LGI1: variants seen among roughly 807,000 people sequenced by gnomAD.
LGI1 encodes the protein leucine-rich glioma-inactivated protein 1.
A neutral mutation model predicts 57.7 loss-of-function variants in LGI1; 11 were observed. That is an observed-to-expected ratio of 0.19 (90% CI 0.12 to 0.32). The LOEUF (loss-of-function observed/expected upper bound fraction) is 0.32, where lower values mean the gene tolerates loss of function less well. Among genes scored for constraint, LGI1 ranks in the 10% least tolerant of loss-of-function variants. The pLI, the probability that LGI1 is intolerant of heterozygous loss-of-function variation, is 1.00. For missense variants in LGI1, 422 were observed against 661.9 expected (o/e 0.64, Z 3.98); for synonymous variants, 222 against 241.9 (o/e 0.92, Z 0.76).
At chr10:93,759,513 C>T (rs1243796085) in intron 2 of LGI1, among the ~76,000 whole-genome samples, 2 of 152,206 alleles carry the variant, frequency 1.3e-5, no homozygotes, top group African/African-American at 2.4e-5. Context: ...GATCTGTTCA[C>T]AGGCATAATG....
Position 93,792,876 on chromosome 10 carries a change from A to G in LGI1, c.637A>G (p.Ser213Gly). 1 of 1,614,140 alleles carries G rather than the reference A, an allele frequency of 6.2e-7. No homozygotes were observed. Among genetic ancestry groups the G allele is most frequent in the Non-Finnish European group, 8.5e-7 (1 of 1,180,014 alleles). The stretch of plus-strand genomic sequence containing the variant: ...AGAATACAAGAAGCGCAAAATCAAT[A>G]GTCTCTCCTCGAAGGATTTTGATTG... ...PPEYKKRKIN[S>G]LSSKDFDCII... The change falls in exon 6 of 8, where the codon AGT (serine) becomes GGT (glycine). Residue 213 changes from serine to glycine, a missense_variant. Ser to Gly is a moderately conservative substitution (Grantham distance 56, BLOSUM62 0). Coordinates refer to ENST00000371418, the MANE Select transcript of LGI1 (RefSeq NM_005097.4).
intron 4 of LGI1, chr10:93,780,137 G>A (rs1036376750): frequency 6.6e-6 from 1 of 152,398 alleles, no homozygotes; most frequent in African/African-American, 2.4e-5. Flanking sequence ...TTCTCACTGA[G>A]TGCCTTTGTC....
rs1488293319 is a variant in LGI1 at position 93,758,492 on chromosome 10, G to A, written c.215+133G>A. ...CTTGCATGCTTGGCCATTTGACAGT[G>A]CTAACATTTGCTGCATTTAGAATTT... is the stretch of plus-strand genomic sequence containing the variant. On this transcript the variant is annotated intron_variant, in intron 1 of 7. Coordinates refer to ENST00000371418, the MANE Select transcript of LGI1 (RefSeq NM_005097.4). This position sits in a 1 kb window ranked among gnomAD's most constrained non-coding sequence, Gnocchi z 4.7. 1.1e-6 allele frequency: 1 copy of A among 934,426 alleles called. No homozygotes were observed. Among genetic ancestry groups the A allele is most frequent in the Non-Finnish European group, 1.7e-6 (1 of 587,936 alleles). 57.9% of individuals were successfully genotyped at this position (934,426 alleles called of 1,614,324 possible).
chr10:93,759,768 C>T (rs953168718), intron 2 of LGI1, among the ~76,000 whole-genome samples: 2 of 152,120 alleles, frequency 1.3e-5, no homozygotes, highest in African/African-American at 4.8e-5. Flanking sequence ...TATTTTCTTG[C>T]CTTACTTGGC....
At chr10:93,788,410 T>C (rs1421810247) in intron 4 of LGI1, 1 of 151,384 alleles carries the variant, frequency 6.6e-6, no homozygotes, top group East Asian at 1.9e-4. Context: ...CTACTGAGAG[T>C]AGTTCAGACA....
chr10:93,791,048 A>T (rs1351108742), intron 5 of LGI1: 2 of 152,256 alleles, frequency 1.3e-5, no homozygotes, highest in African/African-American at 4.8e-5. Context: ...TGAGTCAAGT[A>T]CTTTCTTCCA....
chr10:93,768,594 G>A (rs551673925), intron 2 of LGI1: 9 of 152,288 alleles, frequency 5.9e-5, no homozygotes, highest in African/African-American at 1.9e-4. Flanking sequence ...GAAAGGAAGA[G>A]TTTCCACTGC....
At position 93,792,834 on chromosome 10, in the gene LGI1, T is replaced by A. The variant is rs960120253; in HGVS notation, c.595T>A (p.Tyr199Asn). Residue 199 changes from tyrosine to asparagine, a missense_variant, in exon 6 of 8, where the codon TAC becomes AAC. This residue lies in a region of LGI1 where 301 missense variants were observed against 461.7 expected (regional missense o/e 0.65). Coordinates refer to ENST00000371418, the MANE Select transcript of LGI1 (RefSeq NM_005097.4). ...GHTNATVEDI[Y>N]CEGPPEYKKR... Reference sequence around the variant, plus strand: ...CACCAATGCAACTGTTGAAGACATCTACTGCGAAGGCCCCCCAGAATACAA... The same window carrying A: ...CACCAATGCAACTGTTGAAGACATCAACTGCGAAGGCCCCCCAGAATACAA... 1 of 1,613,996 alleles carries A rather than the reference T, an allele frequency of 6.2e-7. No homozygotes were observed. The highest frequency in any genetic ancestry group is 8.5e-7 in the Non-Finnish European group (1 of 1,180,012).
Position 93,797,841 on chromosome 10 carries a change from C to A in LGI1, c.*38C>A. 7.2e-7 allele frequency: 1 copy of A among 1,380,796 alleles called. No individual in the cohort carries two copies. The highest frequency in any genetic ancestry group is 1.0e-6 in the Non-Finnish European group (1 of 981,020). The allele number at this position is 1,380,796 out of a possible 1,614,324, so 85.5% of individuals were successfully genotyped here. A position where few individuals can be genotyped will look rare whatever the true frequency, so the allele number is the denominator to read the frequency against. ...TGTGGCTGCCATCAGAAATTTTCTA[C>A]AGTACATGACCCGGATGAACTCAAT... On this transcript the variant is annotated 3_prime_UTR_variant, in exon 8 of 8. Transcript: ENST00000371418. The surrounding 1 kb of genome is among the most constrained non-coding windows in gnomAD (Gnocchi z 6.5).
In LGI1 at chr10:93,796,137, T is replaced by C. The variant is rs181622298; in HGVS notation, c.839-831T>C. Among the ~76,000 whole-genome samples the C allele has an allele frequency of 5.8e-4, 88 of 152,382 alleles. 1 individual carries two copies. In the East Asian group the frequency reaches 0.015, roughly 27 times the overall value. On this transcript the variant is annotated intron_variant, in intron 7 of 7. Transcript: ENST00000371418. ...TTTCTGTGATTTTCCAAAATAACTT[T>C]CAGGAGCAGTGCCCATGGCTGCACC...
Position 93,797,007 on chromosome 10 carries a change from C to T in LGI1, c.878C>T (p.Thr293Ile). Residue 293 changes from threonine (T) to isoleucine (I), a missense_variant, in exon 8 of 8, where the codon ACT becomes ATT. Transcript: ENST00000371418. This position sits in a 1 kb window ranked among gnomAD's most constrained non-coding sequence, Gnocchi z 6.5. ...TVVCKPIVIE[T>I]QLYVIVAQLF... ...GTATGCAAGCCTATAGTCATTGAAA[C>T]TCAGCTCTATGTTATTGTGGCCCAG... is the stretch of plus-strand genomic sequence containing the variant. 2 of 1,614,136 alleles carry T rather than the reference C, an allele frequency of 1.2e-6. No homozygotes were observed. Among genetic ancestry groups the T allele is most frequent in the Non-Finnish European group, 1.7e-6 (2 of 1,180,004 alleles).
intron 4 of LGI1, among the ~76,000 whole-genome samples, chr10:93,784,892 A>G (rs2059883052): frequency 6.6e-6 from 1 of 152,144 alleles, no homozygotes; most frequent in Non-Finnish European, 1.5e-5. Context: ...GATCCATAAC[A>G]TGATGTTCCA....
intron 4 of LGI1, among the ~76,000 whole-genome samples, chr10:93,779,430 G>T (rs1187044985): frequency 1.2e-4 from 17 of 140,922 alleles, no homozygotes; most frequent in Admixed American, 7.2e-5. Flanking sequence ...GGGAGCGAGG[G>T]AGGGAGGGAG....
chr10:93,772,894 G>T (rs554680638), intron 2 of LGI1: 1 of 152,028 alleles, frequency 6.6e-6, no homozygotes, highest in Admixed American at 6.6e-5. Flanking sequence ...GGGCAGCATG[G>T]TGAAACTCCA....
chr10:93,766,647 G>A (rs2059682389), intron 2 of LGI1: 1 of 151,572 alleles, frequency 6.6e-6, no homozygotes, highest in Non-Finnish European at 1.5e-5. Context: ...TGGGACTACA[G>A]GCGCCCGCCA....
intron 4 of LGI1, chr10:93,789,883 A>G: frequency 1.9e-6 from 1 of 535,672 alleles, no homozygotes; most frequent in Non-Finnish European, 3.3e-6. Flanking sequence ...AAGAAATAAA[A>G]GTAAATAAAT....
At chr10:93,774,438 A>G (rs1326882385) in intron 2 of LGI1, among the ~76,000 whole-genome samples, 1 of 152,182 alleles carries the variant, frequency 6.6e-6, no homozygotes, top group African/African-American at 2.4e-5. Flanking sequence ...GTTTTCCACC[A>G]CAATTCTACA....
chr10:93,777,498 C>T, intron 3 of LGI1, 48 bp downstream of exon 3: 1 of 1,604,758 alleles, frequency 6.2e-7, no homozygotes. Flanking sequence ...GACAAGTACT[C>T]TCAAGTTCCT....
rs920223409 is a variant in LGI1 at position 93,790,099 on chromosome 10, G to A, written c.432G>A (p.Leu144=). The part of the protein sequence containing the change: ...TFRGLKSLIH[L]SLANNNLQTL... Reference sequence around the variant, plus strand: ...ATCACCTTTTTTTTTTTTTTTCCAGGAGCCTTGCAAACAACAATCTCCAGA... The same window carrying A: ...ATCACCTTTTTTTTTTTTTTTCCAGAAGCCTTGCAAACAACAATCTCCAGA... The change falls in exon 5 of 8, where the codon TTG becomes TTA. Residue 144 remains leucine (L), a splice_region_variant and synonymous_variant. Coordinates refer to ENST00000371418, the MANE Select transcript of LGI1 (RefSeq NM_005097.4). 1.3e-6 allele frequency: 2 copies of A among 1,529,418 alleles called. No homozygotes were observed. The highest frequency in any genetic ancestry group is 1.5e-5 in the African/African-American group (1 of 66,976). The allele number at this position is 1,529,418 out of a possible 1,614,324, so 94.7% of individuals were successfully genotyped here. A position where few individuals can be genotyped will look rare whatever the true frequency, so the allele number is the denominator to read the frequency against.
Sources: allele counts gnomAD v4.1 joint callset (sites outside exome capture counted in the v4.1 genomes callset), GRCh38; gene constraint gnomAD v4.1.1; regional missense constraint gnomAD v4.1.1; non-coding constraint Gnocchi (gnomAD v3.1); transcripts MANE v1.5; gene names NCBI Gene and HGNC (gene_info 2026-07-23, HGNC 2026-07-21).